Variants in KIT observed in about 807,000 individuals in gnomAD.
KIT encodes mast/stem cell growth factor receptor Kit.
A neutral mutation model predicts 105.7 loss-of-function variants in KIT; 16 were observed. The observed-to-expected ratio is 0.15, with a 90% confidence interval of 0.10 to 0.23. The LOEUF (loss-of-function observed/expected upper bound fraction) is 0.23, where lower values mean the gene tolerates loss of function less well. KIT is among the 10% of genes least tolerant of loss of function. The pLI, the probability that KIT is intolerant of heterozygous loss-of-function variation, is 1.00. For missense variants in KIT, 858 were observed against 1,213.8 expected (o/e 0.71, Z 4.36); for synonymous variants, 438 against 441.1 (o/e 0.99, Z 0.09).
intron 11 of KIT, 100 bp from the exon 12 acceptor site, chr4:54,727,723 T>C: frequency 3.9e-6 from 5 of 1,288,652 alleles, no homozygotes; most frequent in Admixed American, 1.8e-5. Flanking sequence ...CTGGACAACA[T>C]TGTTTTTAAT....
At chr4:54,711,625 G>C (rs1464322968) in intron 7 of KIT, among the ~76,000 whole-genome samples, 1 of 152,142 alleles carries the variant, frequency 6.6e-6, no homozygotes, top group Non-Finnish European at 1.5e-5. Flanking sequence ...GAATCAGAAA[G>C]TAATAGTATA....
At chr4:54,695,867 C>T (rs771119937) in intron 2 of KIT, 86 bp downstream of exon 2, 1 of 1,508,268 alleles carries the variant, frequency 6.6e-7, no homozygotes, top group South Asian at 1.2e-5. Flanking sequence ...ATGACTGAGC[C>T]ATAGATAAAA....
At position 54,727,009 on chromosome 4, in the gene KIT, T is replaced by C. The variant is rs1722262196; in HGVS notation, c.1541-209T>C. ...TCTACAGAAATCTCAACTTCTATTC[T>C]GCAGTATTGTGGTTTCAAGTTATAT... On this transcript the variant is annotated intron_variant, in intron 9 of 20. Coordinates refer to ENST00000288135, the MANE Select transcript of KIT (RefSeq NM_000222.3). 2.0e-5 allele frequency among the ~76,000 whole-genome samples: 3 copies of C among 152,214 alleles called. No individual in the cohort carries two copies. In the South Asian group the frequency reaches 6.2e-4, roughly 32 times the overall value.
rs765857867 is a variant in KIT at position 54,732,018 on chromosome 4, TA to T, written c.2361+23del. On this transcript the variant is annotated intron_variant, in intron 16 of 20. Transcript: ENST00000288135. ...AAGAATGTAAGTGGGAGTGATTCTCTAAAGAGTTTTGTGTTTTGTTTTTTTG... is the reference window on the plus strand; with the variant it reads ...AAGAATGTAAGTGGGAGTGATTCTCTAAGAGTTTTGTGTTTTGTTTTTTTG... 8.8e-6 allele frequency: 14 copies of T among 1,598,344 alleles called. No homozygotes were observed. The highest frequency in any genetic ancestry group is 4.0e-5 in the African/African-American group (3 of 74,448).
intron 1 of KIT, among the ~76,000 whole-genome samples, chr4:54,670,255 T>G (rs1718015084): frequency 6.6e-6 from 1 of 152,202 alleles, no homozygotes; most frequent in Non-Finnish European, 1.5e-5. Flanking sequence ...CTTTGGTATC[T>G]CTCCAAGGAC....
intron 8 of KIT, among the ~76,000 whole-genome samples, chr4:54,724,703 G>A (rs1207368994): frequency 6.6e-6 from 1 of 151,766 alleles, no homozygotes; most frequent in Non-Finnish European, 1.5e-5. Context: ...GGAAGAAGAC[G>A]ACTGTCTTAG....
chr4:54,709,232 G>A (rs376953288), intron 6 of KIT, among the ~76,000 whole-genome samples, 192 bp from the exon 7 acceptor site: 3 of 152,298 alleles, frequency 2.0e-5, no homozygotes, highest in Admixed American at 6.5e-5. Flanking sequence ...CTCACAACAG[G>A]CGTTGGTCCC....
chr4:54,716,035 T>A (rs899644166), intron 7 of KIT, among the ~76,000 whole-genome samples: 2 of 152,250 alleles, frequency 1.3e-5, no homozygotes, highest in Non-Finnish European at 1.5e-5. Flanking sequence ...TTCCATTTTT[T>A]AAAAAAATAG....
intron 1 of KIT, among the ~76,000 whole-genome samples, chr4:54,663,090 A>G (rs1717412411): frequency 2.0e-5 from 3 of 151,768 alleles, no homozygotes; most frequent in African/African-American, 4.8e-5. Context: ...TCATGCTTAC[A>G]TTTTGGTTAT....
At chr4:54,684,019 A>T (rs1719128903) in intron 1 of KIT, among the ~76,000 whole-genome samples, 1 of 152,248 alleles carries the variant, frequency 6.6e-6, no homozygotes, top group Admixed American at 6.5e-5. Context: ...TGGGATCGGC[A>T]CAAATGATAC....
intron 6 of KIT, among the ~76,000 whole-genome samples, chr4:54,707,540 C>A (rs1251900298): frequency 6.6e-6 from 1 of 152,172 alleles, no homozygotes; most frequent in Non-Finnish European, 1.5e-5. Flanking sequence ...GGACAGTTTT[C>A]TAGAGATCTG....
At chr4:54,697,349 G>A (rs1165565271) in intron 2 of KIT, among the ~76,000 whole-genome samples, 1 of 152,152 alleles carries the variant, frequency 6.6e-6, no homozygotes, top group Non-Finnish European at 1.5e-5. Flanking sequence ...AAACACCTGA[G>A]TTTCAGATGG....
intron 4 of KIT, among the ~76,000 whole-genome samples, chr4:54,703,418 C>T (rs1407951660): frequency 6.6e-6 from 1 of 152,138 alleles, no homozygotes; most frequent in Non-Finnish European, 1.5e-5. Context: ...CATAATATTT[C>T]AGAGATAGCA....
At chr4:54,710,450 T>A (rs1560404894) in intron 7 of KIT, among the ~76,000 whole-genome samples, 1 of 152,198 alleles carries the variant, frequency 6.6e-6, no homozygotes, top group Admixed American at 6.5e-5. Context: ...CTGGGCACTT[T>A]ATGTGTGTTG....
chr4:54,693,286 C>T (rs908331067), intron 1 of KIT, among the ~76,000 whole-genome samples: 1 of 152,158 alleles, frequency 6.6e-6, no homozygotes, highest in African/African-American at 2.4e-5. Context: ...TTAGAGCCAC[C>T]ACCCTCTCTT....
chr4:54,681,308 G>C (rs547615866), intron 1 of KIT, among the ~76,000 whole-genome samples: 8 of 152,230 alleles, frequency 5.3e-5, no homozygotes, highest in African/African-American at 1.9e-4. Flanking sequence ...ACGGGGGACT[G>C]TGCTGGGCTG....
chr4:54,674,882 A>G (rs936305441), intron 1 of KIT, among the ~76,000 whole-genome samples: 10 of 152,222 alleles, frequency 6.6e-5, no homozygotes, highest in Admixed American at 1.3e-4. Flanking sequence ...GTTTGGTGTG[A>G]GATTCCTTGA....
intron 14 of KIT, among the ~76,000 whole-genome samples, 192 bp downstream of exon 14, chr4:54,729,677 T>G (rs1369493355): frequency 6.6e-6 from 1 of 152,190 alleles, no homozygotes; most frequent in Non-Finnish European, 1.5e-5. Context: ...CAAACCTAGA[T>G]TTTTGCTGAT....
intron 8 of KIT, among the ~76,000 whole-genome samples, chr4:54,723,964 T>A (rs189374432): frequency 2.2e-4 from 33 of 152,282 alleles, no homozygotes; most frequent in Non-Finnish European, 4.4e-5. Context: ...AGCCTGCAGG[T>A]AGATAAAGCA....
Sources: gnomAD v4.1 joint callset for allele counts (sites outside exome capture counted in the v4.1 genomes callset) on GRCh38, gnomAD v4.1.1 for gene constraint, MANE v1.5 for transcripts, NCBI Gene and HGNC (gene_info 2026-07-23, HGNC 2026-07-21) for gene names.